RANBP1: variants seen among roughly 807,000 people sequenced by gnomAD.
RANBP1 encodes the protein RAN binding protein 1, also known as ran-specific GTPase-activating protein.
Under a neutral mutation model 31.4 loss-of-function variants are expected in RANBP1, and 16 were observed. That is an observed-to-expected ratio of 0.51 (90% CI 0.34 to 0.77). The LOEUF is 0.77. RANBP1 is among the 30% of genes least tolerant of loss of function. The probability of loss-of-function intolerance (pLI) is 0.01; values close to 1 mark genes in which losing one functional copy is unlikely to be tolerated. For missense variants in RANBP1, 265 were observed against 362.0 expected (o/e 0.73, Z 2.17); for synonymous variants, 129 against 140.5 (o/e 0.92, Z 0.58).
intron 1 of RANBP1, 130 bp downstream of exon 1, chr22:20,116,560 C>T (rs1419858758): frequency 6.3e-7 from 1 of 1,582,874 alleles, no homozygotes; most frequent in Non-Finnish European, 8.6e-7. Flanking sequence ...GACGGTAGGG[C>T]AGCTCAGGGC....
At chr22:20,117,189 G>C in intron 1 of RANBP1, 2 of 547,748 alleles carry the variant, frequency 3.7e-6, no homozygotes, top group South Asian at 5.9e-5. Context: ...GCCACTCTTA[G>C]TCCGCCAGCG....
intron 1 of RANBP1, chr22:20,117,282 T>C: frequency 1.3e-6 from 1 of 741,784 alleles, no homozygotes; most frequent in Non-Finnish European, 1.9e-6. Flanking sequence ...CCCAACCACT[T>C]TAGCCAGCTC....
chr22:20,117,365 C>A (rs1176939537), intron 1 of RANBP1: 2 of 1,214,070 alleles, frequency 1.6e-6, no homozygotes, highest in Non-Finnish European at 1.0e-6. Flanking sequence ...GGCTGACGGG[C>A]GGGCCGGGCA....
chr22:20,126,812 G>A (rs1200381432), intron 5 of RANBP1, 140 bp from the exon 6 acceptor site: 26 of 1,344,426 alleles, frequency 1.9e-5, no homozygotes, highest in African/African-American at 2.9e-5. Flanking sequence ...TCCAGGAGGC[G>A]GCTTGGCCAG....
At chr22:20,120,916 G>A (rs1460871005) in intron 2 of RANBP1, among the ~76,000 whole-genome samples, 2 of 152,236 alleles carry the variant, frequency 1.3e-5, no homozygotes, top group Non-Finnish European at 1.5e-5. Flanking sequence ...GCCTGCACCT[G>A]ATCCATGTTG....
intron 4 of RANBP1, 31 bp from the exon 5 acceptor site, chr22:20,126,272 T>C: frequency 1.2e-6 from 2 of 1,603,372 alleles, no homozygotes; most frequent in Non-Finnish European, 1.7e-6. Flanking sequence ...TGCTCACAGC[T>C]CTTAGGAAGT....
chr22:20,116,946 G>A (rs1214974481), intron 1 of RANBP1: 2 of 1,574,214 alleles, frequency 1.3e-6, no homozygotes, highest in Non-Finnish European at 1.7e-6. Flanking sequence ...GACGCCATGG[G>A]GGCCGCCTGG....
intron 3 of RANBP1, 67 bp from the exon 4 acceptor site, chr22:20,125,241 G>T: frequency 6.3e-7 from 1 of 1,593,262 alleles, no homozygotes; most frequent in Non-Finnish European, 8.6e-7. Flanking sequence ...GGTGCTCTGT[G>T]GCCGAGGGCT....
At chr22:20,126,637 T>A (rs2050306939) in intron 5 of RANBP1, 4 of 1,518,350 alleles carry the variant, frequency 2.6e-6, no homozygotes, top group African/African-American at 1.4e-5. Context: ...TTTATGATGG[T>A]CCTCGGTTTG....
At chr22:20,126,003 C>G (rs1172051502) in intron 4 of RANBP1, among the ~76,000 whole-genome samples, 1 of 152,262 alleles carries the variant, frequency 6.6e-6, no homozygotes. Context: ...GTGACCTTGT[C>G]CTTGCTGTGG....
intron 1 of RANBP1, chr22:20,117,644 GC>G (rs1431111589): frequency 3.8e-6 from 4 of 1,051,538 alleles, no homozygotes; most frequent in African/African-American, 2.0e-5. Flanking sequence ...CCGCCGCCGC[GC>G]CCCCATGGCG....
At chr22:20,125,622 T>A (rs1034972740) in intron 4 of RANBP1, 186 bp downstream of exon 4, 1 of 1,489,064 alleles carries the variant, frequency 6.7e-7, no homozygotes, top group Non-Finnish European at 8.9e-7. Flanking sequence ...AGCAGCGCCT[T>A]CCCCCTTAAA....
intron 2 of RANBP1, among the ~76,000 whole-genome samples, chr22:20,119,960 T>G (rs1302773273): frequency 6.6e-6 from 1 of 152,262 alleles, no homozygotes; most frequent in Non-Finnish European, 1.5e-5. Flanking sequence ...ACCAGCCTTG[T>G]GTCTTGTGAC....
At position 20,127,120 on chromosome 22, in the gene RANBP1, C is replaced by T. The variant is rs969657664; in HGVS notation, c.*68C>T. On this transcript the variant is annotated 3_prime_UTR_variant, in exon 6 of 6. Transcript: ENST00000430524. The stretch of plus-strand genomic sequence containing the variant: ...TTTTAAAAAATTTTACCCTGCCCCT[C>T]TTTTTCGGTTTGTTTTTATTCTTTC... The T allele has an allele frequency of 1.9e-5, 25 of 1,322,140 alleles. No individual in the cohort carries two copies. The highest frequency in any genetic ancestry group is 1.1e-4 in the African/African-American group (7 of 66,374). The allele number at this position is 1,322,140 out of a possible 1,614,324, so 81.9% of individuals were successfully genotyped here. A position where few individuals can be genotyped will look rare whatever the true frequency, so the allele number is the denominator to read the frequency against.
At chr22:20,126,639 C>T in intron 5 of RANBP1, 1 of 1,516,700 alleles carries the variant, frequency 6.6e-7, no homozygotes, top group Non-Finnish European at 8.9e-7. Flanking sequence ...TATGATGGTC[C>T]TCGGTTTGTC....
chr22:20,126,737 G>C, intron 5 of RANBP1: 1 of 1,438,606 alleles, frequency 7.0e-7, no homozygotes, highest in Admixed American at 2.2e-5. Context: ...CCTGACCATG[G>C]TCTAGGCAGT....
Position 20,125,273 on chromosome 22 carries a change from C to A in RANBP1, c.542-35C>A. Reference sequence around the variant, plus strand: ...GGCTGGGTGGGCTGGCCTTTGCAGTCATCTCACCATCTTCACGAGCTTCTC... The same window carrying A: ...GGCTGGGTGGGCTGGCCTTTGCAGTAATCTCACCATCTTCACGAGCTTCTC... On this transcript the variant is annotated intron_variant, in intron 3 of 5. Coordinates refer to ENST00000430524, the MANE Select transcript of RANBP1 (RefSeq NM_001278639.2). 1.9e-6 allele frequency: 3 copies of A among 1,610,902 alleles called. No individual in the cohort carries two copies. In the South Asian group the frequency reaches 3.3e-5, roughly 18 times the overall value.
chr22:20,126,647 G>C, intron 5 of RANBP1: 3 of 1,514,842 alleles, frequency 2.0e-6, no homozygotes, highest in Non-Finnish European at 2.7e-6. Flanking sequence ...TCCTCGGTTT[G>C]TCTCTCAGAG....
chr22:20,116,531 G>A, intron 1 of RANBP1, 101 bp downstream of exon 1: 7 of 1,603,094 alleles, frequency 4.4e-6, no homozygotes, highest in Non-Finnish European at 5.9e-6. Flanking sequence ...AGGGCTGCCG[G>A]GGCTGCAGGG....
Sources: allele counts gnomAD v4.1 joint callset (sites outside exome capture counted in the v4.1 genomes callset), GRCh38; gene constraint gnomAD v4.1.1; transcripts MANE v1.5; gene names NCBI Gene and HGNC (gene_info 2026-07-23, HGNC 2026-07-21).